MOV10L1: variants seen among roughly 807,000 people sequenced by gnomAD.
The protein encoded by MOV10L1 is Mov10 like RNA helicase 1, also known as RNA helicase Mov10l1.
MOV10L1 carries 110 observed loss-of-function variants against 143.8 expected under a neutral mutation model. The observed-to-expected ratio is 0.76, with a 90% confidence interval of 0.66 to 0.90. MOV10L1 has a LOEUF of 0.90. Ranked by LOEUF, MOV10L1 falls within the 40% of genes least tolerant of loss-of-function variation. The pLI is 0.00. For synonymous variants in MOV10L1, 593 were observed against 581.1 expected, an observed-to-expected ratio of 1.02 and a Z score of -0.29; for missense variants, 1,406 against 1,526.8, an observed-to-expected ratio of 0.92 and a Z score of 1.32.
rs2063560997 is a variant in MOV10L1, at chr22:50,161,572, G to A, written c.*123G>A. 2.1e-6 allele frequency: 2 copies of A among 972,972 alleles called. No homozygotes were observed. 60.3% of individuals were successfully genotyped at this position (972,972 alleles called of 1,614,324 possible). On this transcript the variant is annotated 3_prime_UTR_variant, in exon 27 of 27. Transcript: ENST00000262794. ...GCCAGGCAGGGTCGTGTGTGGGTGT[G>A]GGGCTGCCAGGTTGGACGCAGCTGC...
Position 50,108,495 on chromosome 22 carries a change from A to G in MOV10L1, c.556-162A>G, listed in dbSNP as rs143779989. 3.7e-4 allele frequency: 292 copies of G among 790,116 alleles called. No individual in the cohort carries two copies. The African/African-American group carries it at 4.4e-3, about 12-fold the overall frequency. The allele number at this position is 790,116 out of a possible 1,614,324, so 48.9% of individuals were successfully genotyped here. On this transcript the variant is annotated intron_variant, in intron 4 of 26. Transcript: ENST00000262794. ...GCAACAGTGCTAAAATGTTCTAAGGAGAAAGGTGTGTTGGAGAATCACTGG... is the reference window on the plus strand; with the variant it reads ...GCAACAGTGCTAAAATGTTCTAAGGGGAAAGGTGTGTTGGAGAATCACTGG...
At chr22:50,120,168 A>T (rs2062299062) in intron 9 of MOV10L1, among the ~76,000 whole-genome samples, 1 of 152,170 alleles carries the variant, frequency 6.6e-6, no homozygotes, top group Non-Finnish European at 1.5e-5. Context: ...TAGTAGGAAG[A>T]GCTTAGCTCA....
rs2063561091 is a variant in MOV10L1 at position 50,161,573 on chromosome 22, G to A, written c.*124G>A. ...CCAGGCAGGGTCGTGTGTGGGTGTG[G>A]GGCTGCCAGGTTGGACGCAGCTGCT... is the stretch of plus-strand genomic sequence containing the variant. On this transcript the variant is annotated 3_prime_UTR_variant, in exon 27 of 27. Transcript: ENST00000262794. 3.1e-6 allele frequency: 3 copies of A among 972,468 alleles called. No homozygotes were observed. The highest frequency in any genetic ancestry group is 1.7e-5 in the South Asian group (1 of 57,564). 60.2% of individuals were successfully genotyped at this position (972,468 alleles called of 1,614,324 possible).
intron 2 of MOV10L1, chr22:50,096,490 G>C (rs1319863543): frequency 6.6e-6 from 1 of 152,170 alleles, no homozygotes; most frequent in African/African-American, 2.4e-5. Context: ...TTGGGGCTAC[G>C]CCTAGGAAGA....
rs1348232786 is a variant in MOV10L1, at chr22:50,120,689, T to C, written c.1569+73T>C. On this transcript the variant is annotated intron_variant, in intron 10 of 26. Transcript: ENST00000262794. ...CTTGTTTTCTGACAAAGCCAGGAGG[T>C]TCCTTCTCAGGTTCAGACCTTCATC... is the stretch of plus-strand genomic sequence containing the variant. 5 of 1,119,058 alleles carry C rather than the reference T, an allele frequency of 4.5e-6. No individual in the cohort carries two copies. In the African/African-American group the frequency reaches 6.3e-5, roughly 14 times the overall value. The allele number at this position is 1,119,058 out of a possible 1,614,324, so 69.3% of individuals were successfully genotyped here.
At chr22:50,122,363 G>A (rs772510182) in intron 10 of MOV10L1, among the ~76,000 whole-genome samples, 1 of 152,106 alleles carries the variant, frequency 6.6e-6, no homozygotes, top group Non-Finnish European at 1.5e-5. Flanking sequence ...CTTCAGTGTT[G>A]TTTAGAAATG....
chr22:50,090,217 C>T, intron 1 of MOV10L1, 32 bp downstream of exon 1: 1 of 1,412,948 alleles, frequency 7.1e-7, no homozygotes, highest in Non-Finnish European at 9.2e-7. Flanking sequence ...GGAGGCGGGT[C>T]CCGGGCCCTC....
chr22:50,153,486 G>A (rs2063349732), intron 22 of MOV10L1, among the ~76,000 whole-genome samples: 2 of 152,358 alleles, frequency 1.3e-5, no homozygotes, highest in South Asian at 2.1e-4. Context: ...TCCAAGAGAA[G>A]CGAAGCTGCC....
At chr22:50,155,712 G>T (rs1229011827) in intron 22 of MOV10L1, among the ~76,000 whole-genome samples, 1 of 152,194 alleles carries the variant, frequency 6.6e-6, no homozygotes, top group Non-Finnish European at 1.5e-5. Flanking sequence ...CTGACGTCAT[G>T]ATCTGCCCGC....
At chr22:50,144,862 T>C (rs1389557806) in intron 18 of MOV10L1, among the ~76,000 whole-genome samples, 2 of 152,214 alleles carry the variant, frequency 1.3e-5, no homozygotes, top group African/African-American at 2.4e-5. Flanking sequence ...ATTACAGGCG[T>C]GAGCCACCGT....
At position 50,158,916 on chromosome 22, in the gene MOV10L1, A is replaced by C. The variant is rs1339653452; in HGVS notation, c.3216+710A>C. 1 of 152,248 alleles carries C rather than the reference A, an allele frequency of 6.6e-6. No individual in the cohort carries two copies. Among genetic ancestry groups the C allele is most frequent in the Non-Finnish European group, 1.5e-5 (1 of 68,072 alleles). 9.4% of individuals were successfully genotyped at this position (152,248 alleles called of 1,614,324 possible). On this transcript the variant is annotated intron_variant, in intron 23 of 26. Transcript: ENST00000262794. This position sits in a 1 kb window ranked among gnomAD's most constrained non-coding sequence, Gnocchi z 5.0. ...TCGGGGACTCGAGAGGTGAGTGCTT[A>C]GTTCTCCCAGAGGTACAGAGATTAC...
chr22:50,110,420 G>A (rs11704231), intron 5 of MOV10L1, among the ~76,000 whole-genome samples: 33,534 of 150,192 alleles, frequency 0.22, 4,076 homozygotes, highest in Admixed American at 0.35. Flanking sequence ...CTGCACTCCA[G>A]CCTGCACAAC....
chr22:50,137,096 A>T (rs564046542), intron 15 of MOV10L1, among the ~76,000 whole-genome samples: 1 of 152,354 alleles, frequency 6.6e-6, no homozygotes, highest in South Asian at 2.1e-4. Flanking sequence ...ATATAAAATT[A>T]TCCAGCACCC....
intron 15 of MOV10L1, among the ~76,000 whole-genome samples, chr22:50,137,153 G>A (rs568711662): frequency 7.5e-4 from 114 of 152,270 alleles, no homozygotes; most frequent in African/African-American, 2.6e-3. Flanking sequence ...AAATGAAAAA[G>A]TGAAAAACGT....
intron 9 of MOV10L1, among the ~76,000 whole-genome samples, chr22:50,119,229 A>G (rs1351444724): frequency 6.6e-6 from 1 of 152,142 alleles, no homozygotes; most frequent in East Asian, 1.9e-4. Flanking sequence ...AAACAAGGAC[A>G]TCAGTTTCCT....
intron 15 of MOV10L1, among the ~76,000 whole-genome samples, chr22:50,139,315 CTGTT>C (rs1419082324): frequency 6.6e-6 from 1 of 151,936 alleles, no homozygotes; most frequent in African/African-American, 2.4e-5. Context: ...TGCACGTCCT[CTGTT>C]TGGGCAAGGA....
At chr22:50,157,627 G>A (rs1366148948) in intron 22 of MOV10L1, among the ~76,000 whole-genome samples, 4 of 151,994 alleles carry the variant, frequency 2.6e-5, no homozygotes, top group South Asian at 2.1e-4. Flanking sequence ...CCGTATATTC[G>A]AGGGTTTATT....
chr22:50,100,213 G>C (rs541670842), intron 3 of MOV10L1, among the ~76,000 whole-genome samples: 1 of 152,020 alleles, frequency 6.6e-6, no homozygotes, highest in Admixed American at 6.5e-5. Flanking sequence ...GGCTGGTCTC[G>C]AACTCTTGAC....
rs543059706 is a variant in MOV10L1 at position 50,119,677 on chromosome 22, G to A, written c.1455-825G>A. On this transcript the variant is annotated intron_variant, in intron 9 of 26. Transcript: ENST00000262794. ...TTCCAAATACACCTCGCATGTGAGC[G>A]CTGACATAACCCTCAGCACAAACCA... 4.7e-5 allele frequency among the ~76,000 whole-genome samples: 7 copies of A among 149,704 alleles called. No homozygotes were observed. The South Asian group carries it at 9.1e-4, about 19-fold the overall frequency.
Sources: allele counts gnomAD v4.1 joint callset (sites outside exome capture counted in the v4.1 genomes callset), GRCh38; gene constraint gnomAD v4.1.1; non-coding constraint Gnocchi (gnomAD v3.1); transcripts MANE v1.5; gene names NCBI Gene and HGNC (gene_info 2026-07-23, HGNC 2026-07-21).